MYO6: variants seen among roughly 807,000 people sequenced by gnomAD.
MYO6 encodes the protein myosin VI.
A neutral mutation model predicts 178.7 loss-of-function variants in MYO6; 74 were observed. The observed-to-expected ratio is 0.41, with a 90% confidence interval of 0.34 to 0.50. The LOEUF (loss-of-function observed/expected upper bound fraction) is 0.50, where lower values mean the gene tolerates loss of function less well. MYO6 is among the 20% of genes least tolerant of loss of function. The probability of loss-of-function intolerance (pLI) is 0.09; values close to 1 mark genes in which losing one functional copy is unlikely to be tolerated. For missense variants in MYO6, 1,330 were observed against 1,547.4 expected, an observed-to-expected ratio of 0.86 and a Z score of 2.36; for synonymous variants, 477 against 504.6, an observed-to-expected ratio of 0.95 and a Z score of 0.73.
intron 20 of MYO6, among the ~76,000 whole-genome samples, chr6:75,878,436 A>G (rs1413303122): frequency 6.6e-6 from 1 of 152,198 alleles, no homozygotes; most frequent in African/African-American, 2.4e-5. Context: ...ATATTTCCAA[A>G]TTGCCATCCA....
intron 11 of MYO6, among the ~76,000 whole-genome samples, chr6:75,851,148 T>G (rs898001429): frequency 6.6e-6 from 1 of 152,200 alleles, no homozygotes; most frequent in Non-Finnish European, 1.5e-5. Flanking sequence ...ACACCTCTTA[T>G]TATTACCCTG....
intron 3 of MYO6, among the ~76,000 whole-genome samples, chr6:75,823,237 C>T (rs1236853047): frequency 2.6e-5 from 4 of 152,076 alleles, no homozygotes; most frequent in Non-Finnish European, 1.5e-5. Flanking sequence ...TTTAACATCA[C>T]CGTTTGAAGC....
chr6:75,787,113 T>C (rs973510755), intron 1 of MYO6, among the ~76,000 whole-genome samples: 1 of 152,230 alleles, frequency 6.6e-6, no homozygotes, highest in Non-Finnish European at 1.5e-5. Context: ...AAGATGCCTA[T>C]GCAATGACAT....
intron 1 of MYO6, among the ~76,000 whole-genome samples, chr6:75,800,563 A>G (rs142861100): frequency 3.1e-4 from 47 of 152,316 alleles, no homozygotes; most frequent in African/African-American, 1.1e-3. Flanking sequence ...GAAGAGGATC[A>G]CTATGAACGA....
At chr6:75,841,939 C>A (rs1774273107) in intron 9 of MYO6, among the ~76,000 whole-genome samples, 1 of 152,074 alleles carries the variant, frequency 6.6e-6, no homozygotes, top group African/African-American at 2.4e-5. Context: ...AACCCTACGT[C>A]AATTTAAACT....
At chr6:75,765,047 A>G (rs1453120537) in intron 1 of MYO6, among the ~76,000 whole-genome samples, 2 of 151,146 alleles carry the variant, frequency 1.3e-5, no homozygotes, top group African/African-American at 2.4e-5. Flanking sequence ...ATAGCTAACC[A>G]CTGGCAGAAC....
intron 1 of MYO6, among the ~76,000 whole-genome samples, chr6:75,767,805 T>G (rs1778570022): frequency 6.6e-6 from 1 of 152,072 alleles, no homozygotes; most frequent in African/African-American, 2.4e-5. Context: ...GTGTGAGCCA[T>G]TGCCCCTGGC....
At chr6:75,763,429 A>C (rs1480445718) in intron 1 of MYO6, among the ~76,000 whole-genome samples, 2 of 152,196 alleles carry the variant, frequency 1.3e-5, no homozygotes, top group African/African-American at 2.4e-5. Context: ...TGTTTCCTAG[A>C]TTATATTAAT....
chr6:75,830,339 T>A lies in MYO6; in HGVS notation c.262-77T>A, dbSNP rs1023810352. On this transcript the variant is annotated intron_variant, in intron 4 of 34. Transcript: ENST00000369977. ...GATAATTGAAATTTTTTGTATTTTATTTTTTCTATGAGCTTTGTTTATCTT... is the reference window on the plus strand; with the variant it reads ...GATAATTGAAATTTTTTGTATTTTAATTTTTCTATGAGCTTTGTTTATCTT... The A allele has an allele frequency of 4.2e-6, 6 of 1,416,840 alleles. No individual in the cohort carries two copies. In the Admixed American group the frequency reaches 7.1e-5, roughly 17 times the overall value. 87.8% of individuals were successfully genotyped at this position (1,416,840 alleles called of 1,614,324 possible).
At chr6:75,877,905 A>C (rs1485528724) in intron 20 of MYO6, among the ~76,000 whole-genome samples, 1 of 152,220 alleles carries the variant, frequency 6.6e-6, no homozygotes, top group African/African-American at 2.4e-5. Context: ...GCCAGTTTAT[A>C]GTTTGCAGCT....
At chr6:75,891,195 T>A in intron 26 of MYO6, 33 bp from the exon 27 acceptor site, 1 of 1,439,116 alleles carries the variant, frequency 6.9e-7, no homozygotes. Context: ...TATTTTCTGT[T>A]AAATTTTTGA....
At chr6:75,863,488 C>T (rs1776377404) in intron 16 of MYO6, among the ~76,000 whole-genome samples, 1 of 151,354 alleles carries the variant, frequency 6.6e-6, no homozygotes. Context: ...TTCTGTTTTC[C>T]TTTCTTTTTT....
chr6:75,870,347 G>A (rs975843315), intron 18 of MYO6, among the ~76,000 whole-genome samples: 5 of 152,044 alleles, frequency 3.3e-5, no homozygotes, highest in Non-Finnish European at 7.4e-5. Flanking sequence ...TTCATTGCCT[G>A]TACATTTTTT....
chr6:75,848,354 C>G lies in MYO6; in HGVS notation c.901C>G (p.Leu301Val). ...ILQNRKSPEY[L>V]KAGSMKDPLL... Reference sequence around the variant, plus strand: ...TTGGTGTCTTCTTGTTTTGTAGTACCTTAAGGCAGGTTCTATGAAAGATCC... The same window carrying G: ...TTGGTGTCTTCTTGTTTTGTAGTACGTTAAGGCAGGTTCTATGAAAGATCC... Residue 301 changes from leucine to valine, a missense_variant, in exon 11 of 35, where the codon CTT becomes GTT. Leu to Val is a conservative substitution (Grantham distance 32, BLOSUM62 1). Around this residue, in one of 3 missense-constraint regions of MYO6, gnomAD observed 613 missense variants for 816.8 expected, o/e 0.75. Coordinates refer to ENST00000369977, the MANE Select transcript of MYO6 (RefSeq NM_004999.4). 1 of 1,613,238 alleles carries G rather than the reference C, an allele frequency of 6.2e-7. No homozygotes were observed. The highest frequency in any genetic ancestry group is 8.5e-7 in the Non-Finnish European group (1 of 1,179,492).
intron 22 of MYO6, 133 bp downstream of exon 22, chr6:75,880,253 T>C: frequency 1.4e-6 from 1 of 711,852 alleles, no homozygotes; most frequent in Non-Finnish European, 2.4e-6. Context: ...AATTGCTATT[T>C]TCCATACCAT....
At chr6:75,888,221 G>C (rs1343187905) in intron 25 of MYO6, among the ~76,000 whole-genome samples, 2 of 152,110 alleles carry the variant, frequency 1.3e-5, no homozygotes, top group Non-Finnish European at 2.9e-5. Context: ...GGCAGAGGTT[G>C]CAGTGAGCCA....
At chr6:75,862,568 T>C (rs749143969) in intron 15 of MYO6, 28 bp from the exon 16 acceptor site, 9 of 1,583,098 alleles carry the variant, frequency 5.7e-6, no homozygotes, top group Non-Finnish European at 7.8e-6. Context: ...TTTTACACTA[T>C]TGTGAGTGTT....
intron 1 of MYO6, among the ~76,000 whole-genome samples, chr6:75,758,722 T>A (rs1326009857): frequency 2.0e-5 from 3 of 152,054 alleles, no homozygotes; most frequent in Non-Finnish European, 4.4e-5. Flanking sequence ...CCTCCCAGAG[T>A]GTTGGGATTA....
rs1162670612 is a variant in MYO6, at chr6:75,835,932, G to T, written c.529G>T (p.Asp177Tyr). Residue 177 changes from aspartate to tyrosine, a missense_variant, in exon 7 of 35, where the codon GAT (aspartate) becomes TAT (tyrosine). Asp to Tyr is a radical substitution (Grantham distance 160, BLOSUM62 -3). This residue lies in a region of MYO6 where 613 missense variants were observed against 816.8 expected (regional missense o/e 0.75). Coordinates refer to ENST00000369977, the MANE Select transcript of MYO6 (RefSeq NM_004999.4). ...GACTGAATCCTATGGAACAGGTCAA[G>T]ATATTGATGACAGAATTGTTGAAGG... ...YLTESYGTGQ[D>Y]IDDRIVEANP... 7.5e-6 allele frequency: 12 copies of T among 1,608,618 alleles called. No homozygotes were observed. The highest frequency in any genetic ancestry group is 1.0e-5 in the Non-Finnish European group (12 of 1,175,052).
Sources: allele counts gnomAD v4.1 joint callset (sites outside exome capture counted in the v4.1 genomes callset), GRCh38; gene constraint gnomAD v4.1.1; regional missense constraint gnomAD v4.1.1; transcripts MANE v1.5; gene names NCBI Gene and HGNC (gene_info 2026-07-23, HGNC 2026-07-21).